The following TUBE1 variants were observed in gnomAD, a reference collection of about 807,000 sequenced individuals.
TUBE1 encodes tubulin epsilon 1.
In TUBE1, 34 loss-of-function variants were observed where a neutral mutation model predicts 53.5. That is an observed-to-expected ratio of 0.64 (90% CI 0.48 to 0.85). The LOEUF (loss-of-function observed/expected upper bound fraction) is 0.85. TUBE1 is among the 40% of genes least tolerant of loss of function. The probability of loss-of-function intolerance (pLI) is 0.00; values close to 1 mark genes in which losing one functional copy is unlikely to be tolerated. For synonymous variants in TUBE1, 177 were observed against 198.4 expected, an observed-to-expected ratio of 0.89 and a Z score of 0.91; for missense variants, 532 against 570.5, an observed-to-expected ratio of 0.93 and a Z score of 0.69.
intron 3 of TUBE1, among the ~76,000 whole-genome samples, chr6:112,085,911 C>T (rs1220180993): frequency 6.6e-6 from 1 of 152,200 alleles, no homozygotes; most frequent in Non-Finnish European, 1.5e-5. Context: ...GCGGACTAAT[C>T]AGCTTTCTCT....
intron 10 of TUBE1, 114 bp downstream of exon 10, chr6:112,072,644 G>A (rs918492315): frequency 1.0e-5 from 11 of 1,083,278 alleles, no homozygotes; most frequent in Non-Finnish European, 1.4e-5. Context: ...TTTGTTCACA[G>A]TCACACTTTA....
rs182541056 is a variant in TUBE1 at position 112,082,086 on chromosome 6, T to C, written c.211-879A>G. Among the ~76,000 whole-genome samples the C allele has an allele frequency of 2.6e-5, 4 of 152,302 alleles. No individual in the cohort carries two copies. The East Asian group carries it at 7.7e-4, about 29-fold the overall frequency. Reference sequence around the variant, plus strand: ...CTTTCAGTTCTGTTACCATATAACATTAAGCAGTGAGTTTAATCATGTGTG... The same window carrying C: ...CTTTCAGTTCTGTTACCATATAACACTAAGCAGTGAGTTTAATCATGTGTG... On this transcript the variant is annotated intron_variant, in intron 4 of 11. Transcript: ENST00000368662.
chr6:112,081,332 T>C (rs1042819192), intron 4 of TUBE1, 125 bp from the exon 5 acceptor site: 7 of 442,974 alleles, frequency 1.6e-5, no homozygotes, highest in Non-Finnish European at 2.3e-5. Flanking sequence ...AATTAAAATC[T>C]TTACGTAGAA....
chr6:112,075,817 G>T, intron 8 of TUBE1, 120 bp downstream of exon 8: 1 of 933,748 alleles, frequency 1.1e-6, no homozygotes, highest in East Asian at 2.5e-5. Context: ...AAAGATAGAA[G>T]ACAAAATAAA....
rs782704977 is a variant in TUBE1 at position 112,071,505 on chromosome 6, T to C, written c.1335A>G (p.Ser445=). 3.1e-6 allele frequency: 5 copies of C among 1,612,698 alleles called. No homozygotes were observed. Among genetic ancestry groups the C allele is most frequent in the African/African-American group, 1.3e-5 (1 of 75,028 alleles). Residue 445 remains serine (S), a synonymous_variant, in exon 12 of 12, where the codon TCA becomes TCG. Transcript: ENST00000368662. ...ATTCCTGTATGAGTGCTGATAAAGATGACACAGCTTCTGTGAAACAGCTTT... is the reference window on the plus strand; with the variant it reads ...ATTCCTGTATGAGTGCTGATAAAGACGACACAGCTTCTGTGAAACAGCTTT... ...MEESCFTEAV[S]SLSALIQEYD...
rs1386654405 is a variant in TUBE1, at chr6:112,087,409, C to A, written c.25+1G>T. On this transcript the variant is annotated splice_donor_variant, in intron 1 of 11. Coordinates refer to ENST00000368662, the MANE Select transcript of TUBE1 (RefSeq NM_016262.5). LOFTEE classifies it high-confidence loss of function. ...GTCTCTACCCGCCCGGCGTAGCTTA[C>A]CCTGTACGACCACCGACTGGGTCAT... The A allele has an allele frequency of 1.5e-5, 24 of 1,551,036 alleles. No homozygotes were observed. Among genetic ancestry groups the A allele is most frequent in the Non-Finnish European group, 2.0e-5 (23 of 1,146,840 alleles).
chr6:112,074,783 G>A lies in TUBE1; in HGVS notation c.880C>T (p.Pro294Ser). The A allele has an allele frequency of 1.2e-6, 2 of 1,607,222 alleles. No homozygotes were observed. Among genetic ancestry groups the A allele is most frequent in the East Asian group, 4.5e-5 (2 of 44,478 alleles). ...NEISMNLVPF[P>S]QLHYLVSSLT... ...CTTGACACGAGATAATGAAGTTGAGGAAAAGGAACTAAATTCATGCTGATT... is the reference window on the plus strand; with the variant it reads ...CTTGACACGAGATAATGAAGTTGAGAAAAAGGAACTAAATTCATGCTGATT... The change falls in exon 9 of 12, where the codon CCT becomes TCT. Residue 294 changes from proline (P) to serine (S), a missense_variant. Coordinates refer to ENST00000368662, the MANE Select transcript of TUBE1 (RefSeq NM_016262.5).
At chr6:112,074,325 T>C (rs1411015935) in intron 9 of TUBE1, among the ~76,000 whole-genome samples, 1 of 151,916 alleles carries the variant, frequency 6.6e-6, no homozygotes, top group East Asian at 1.9e-4. Context: ...AAACAAACTC[T>C]CATTTAATCT....
chr6:112,081,084 A>G lies in TUBE1; in HGVS notation c.326+8T>C, dbSNP rs782443627. 3 of 1,518,896 alleles carry G rather than the reference A, an allele frequency of 2.0e-6. No homozygotes were observed. Among genetic ancestry groups the G allele is most frequent in the Non-Finnish European group, 2.7e-6 (3 of 1,100,384 alleles). 94.1% of individuals were successfully genotyped at this position (1,518,896 alleles called of 1,614,324 possible). ...AAGATATTCAATTTTTACGCTGTGT[A>G]TTCTCACCAATTATTTCCTGAGCCA... On this transcript the variant is annotated splice_region_variant and intron_variant, in intron 5 of 11. Coordinates refer to ENST00000368662, the MANE Select transcript of TUBE1 (RefSeq NM_016262.5).
At chr6:112,075,824 T>C (rs1208232047) in intron 8 of TUBE1, 113 bp downstream of exon 8, 5 of 1,004,732 alleles carry the variant, frequency 5.0e-6, no homozygotes, top group Non-Finnish European at 5.7e-6. Context: ...GAAGACAAAA[T>C]AAAAACAGAA....
In TUBE1 at chr6:112,071,948, G is replaced by A. The variant is rs782432076; in HGVS notation, c.1223C>T (p.Thr408Ile). The change falls in exon 11 of 12, where the codon ACC becomes ATC. Residue 408 changes from threonine (T) to isoleucine (I), a missense_variant. Physicochemically the swap from Thr to Ile is moderately conservative, Grantham distance 89. Transcript: ENST00000368662. ...ALANNTCVKP[T>I]FMELKERFMR... is the part of the protein sequence containing the mutation. ...GAATCTCTCTTTCAGTTCCATGAAG[G>A]TGGGCTTCACACATGTGTTATTTGC... 3 of 1,611,076 alleles carry A rather than the reference G, an allele frequency of 1.9e-6. No individual in the cohort carries two copies. The highest frequency in any genetic ancestry group is 1.3e-5 in the African/African-American group (1 of 74,694).
At chr6:112,086,685 A>T in intron 2 of TUBE1, 77 bp from the exon 3 acceptor site, 2 of 943,684 alleles carry the variant, frequency 2.1e-6, no homozygotes, top group Non-Finnish European at 3.3e-6. Flanking sequence ...TTTTAATTAC[A>T]TAATACTGTA....
rs1218156350 is a variant in TUBE1 at position 112,070,750 on chromosome 6, C to G, written c.*662G>C. The G allele has an allele frequency of 6.6e-6, 1 of 152,102 alleles. No homozygotes were observed. Among genetic ancestry groups the G allele is most frequent in the Non-Finnish European group, 1.5e-5 (1 of 67,992 alleles). 9.4% of individuals were successfully genotyped at this position (152,102 alleles called of 1,614,324 possible). A position where few individuals can be genotyped will look rare whatever the true frequency, so the allele number is the denominator to read the frequency against. On this transcript the variant is annotated 3_prime_UTR_variant, in exon 12 of 12. Transcript: ENST00000368662. ...ACATTCTGTTCATTTGCATAAATGT[C>G]ATGCAGAACAATAACAAGTAGCACT... is the stretch of plus-strand genomic sequence containing the variant.
intron 3 of TUBE1, among the ~76,000 whole-genome samples, chr6:112,086,347 A>G (rs1362931847): frequency 8.5e-5 from 13 of 152,252 alleles, no homozygotes; most frequent in Admixed American, 8.5e-4. Context: ...GGTTAAGTTA[A>G]AAGAAGTCAC....
intron 10 of TUBE1, 117 bp from the exon 11 acceptor site, chr6:112,072,193 G>C: frequency 1.4e-6 from 1 of 710,242 alleles, no homozygotes; most frequent in East Asian, 2.8e-5. Context: ...CAATCTACTT[G>C]CTTAGTTTAG....
intron 2 of TUBE1, 82 bp from the exon 3 acceptor site, chr6:112,086,690 AC>A: frequency 2.3e-6 from 2 of 873,480 alleles, no homozygotes; most frequent in Non-Finnish European, 3.7e-6. Flanking sequence ...ATTACATAAT[AC>A]TGTAATGGCT....
At chr6:112,081,848 G>T (rs587658462) in intron 4 of TUBE1, among the ~76,000 whole-genome samples, 52 of 150,046 alleles carry the variant, frequency 3.5e-4, no homozygotes, top group Non-Finnish European at 5.8e-4. Flanking sequence ...CTAGTAAAAC[G>T]TAAAGCAGGG....
Position 112,086,056 on chromosome 6 carries a change from T to C in TUBE1, c.152+500A>G, listed in dbSNP as rs189344236. Reference sequence around the variant, plus strand: ...TTAGTTTTATGAAGTATTTTGAAAATGCATGAACTTAATGATTTAATATTA... The same window carrying C: ...TTAGTTTTATGAAGTATTTTGAAAACGCATGAACTTAATGATTTAATATTA... On this transcript the variant is annotated intron_variant, in intron 3 of 11. Coordinates refer to ENST00000368662, the MANE Select transcript of TUBE1 (RefSeq NM_016262.5). 5.0e-4 allele frequency among the ~76,000 whole-genome samples: 76 copies of C among 152,348 alleles called. 1 individual carries two copies. Among genetic ancestry groups the C allele is most frequent in the African/African-American group, 1.8e-3 (73 of 41,580 alleles).
At chr6:112,074,032 A>T (rs1436111565) in intron 9 of TUBE1, among the ~76,000 whole-genome samples, 1 of 152,088 alleles carries the variant, frequency 6.6e-6, no homozygotes, top group Non-Finnish European at 1.5e-5. Flanking sequence ...GAGCCACTGC[A>T]CTCAGCCAAT....
Sources: gnomAD v4.1 joint callset for allele counts (sites outside exome capture counted in the v4.1 genomes callset) on GRCh38, gnomAD v4.1.1 for gene constraint, MANE v1.5 for transcripts, NCBI Gene and HGNC (gene_info 2026-07-23, HGNC 2026-07-21) for gene names.